The following CACNB2 variants were observed in gnomAD, a reference collection of about 807,000 sequenced individuals.
CACNB2 encodes the protein calcium voltage-gated channel auxiliary subunit beta 2, also known as voltage-dependent L-type calcium channel subunit beta-2.
Under a neutral mutation model 73.3 loss-of-function variants are expected in CACNB2, and 42 were observed. That is an observed-to-expected ratio of 0.57 (90% CI 0.45 to 0.74). CACNB2 has a LOEUF of 0.74. Among genes scored for constraint, CACNB2 ranks in the 30% least tolerant of loss-of-function variants. The pLI is 0.00. For missense variants in CACNB2, 940 were observed against 853.0 expected (o/e 1.10, Z -1.27); for synonymous variants, 348 against 310.3 (o/e 1.12, Z -1.28).
At chr10:18,296,848 G>A (rs746594830) in intron 2 of CACNB2, among the ~76,000 whole-genome samples, 5 of 152,248 alleles carry the variant, frequency 3.3e-5, no homozygotes, top group African/African-American at 4.8e-5. Flanking sequence ...AAGTATGTGC[G>A]GTAGAGGCAG....
chr10:18,471,552 G>A (rs1226007954), intron 3 of CACNB2, among the ~76,000 whole-genome samples: 1 of 152,072 alleles, frequency 6.6e-6, no homozygotes, highest in Non-Finnish European at 1.5e-5. Context: ...CATGGTTTAC[G>A]CCTTTGTATT....
chr10:18,410,978 TA>T (rs917012382), intron 3 of CACNB2, among the ~76,000 whole-genome samples: 1 of 151,662 alleles, frequency 6.6e-6, no homozygotes, highest in Non-Finnish European at 1.5e-5. Flanking sequence ...AGACTCCATT[TA>T]AAAAAAATAA....
At chr10:18,515,427 C>T (rs1374653626) in intron 7 of CACNB2, among the ~76,000 whole-genome samples, 1 of 152,222 alleles carries the variant, frequency 6.6e-6, no homozygotes, top group Non-Finnish European at 1.5e-5. Context: ...GATATATTCT[C>T]ACACGCAGAT....
intron 2 of CACNB2, among the ~76,000 whole-genome samples, chr10:18,303,269 A>C (rs2039597154): frequency 6.6e-6 from 1 of 152,200 alleles, no homozygotes; most frequent in Admixed American, 6.5e-5. Flanking sequence ...TCGGGAGGCC[A>C]AGGTGCGAGG....
intron 2 of CACNB2, among the ~76,000 whole-genome samples, chr10:18,230,801 A>C (rs752858819): frequency 2.0e-5 from 3 of 151,620 alleles, no homozygotes; most frequent in Admixed American, 2.0e-4. Flanking sequence ...CAAGTCCCAC[A>C]TGAGGTGAAA....
Position 18,399,999 on chromosome 10 carries a change from T to C in CACNB2, c.214-1925T>C, listed in dbSNP as rs1385416722. ...AAGCTTTGAAATTTCCTTGTAAGTATGGTTATAACAATTCACACTGCTGTT... is the reference window on the plus strand; with the variant it reads ...AAGCTTTGAAATTTCCTTGTAAGTACGGTTATAACAATTCACACTGCTGTT... On this transcript the variant is annotated intron_variant, in intron 2 of 13. Transcript: ENST00000324631. 3.3e-5 allele frequency among the ~76,000 whole-genome samples: 5 copies of C among 152,252 alleles called. No homozygotes were observed. In the South Asian group the frequency reaches 6.2e-4, roughly 19 times the overall value.
chr10:18,348,769 C>A, intron 2 of CACNB2, among the ~76,000 whole-genome samples: 1 of 152,180 alleles, frequency 6.6e-6, no homozygotes. Flanking sequence ...TCTCAAAATG[C>A]TGAGATTACA....
intron 2 of CACNB2, among the ~76,000 whole-genome samples, chr10:18,303,276 G>A (rs554071084): frequency 3.9e-5 from 6 of 152,300 alleles, no homozygotes; most frequent in South Asian, 2.1e-4. Flanking sequence ...GCCAAGGTGC[G>A]AGGATCACTT....
intron 2 of CACNB2, among the ~76,000 whole-genome samples, chr10:18,230,620 A>G (rs2036188758): frequency 6.6e-6 from 1 of 152,232 alleles, no homozygotes; most frequent in Non-Finnish European, 1.5e-5. Context: ...CTCTTGGAAA[A>G]ATCTATAAAT....
intron 2 of CACNB2, among the ~76,000 whole-genome samples, chr10:18,224,128 T>C (rs2035896126): frequency 6.6e-6 from 1 of 152,122 alleles, no homozygotes; most frequent in Non-Finnish European, 1.5e-5. Context: ...AAAATATTAC[T>C]CTTTTGCAAT....
intron 3 of CACNB2, among the ~76,000 whole-genome samples, chr10:18,439,285 A>G (rs2132921931): frequency 6.6e-6 from 1 of 152,326 alleles, no homozygotes; most frequent in African/African-American, 2.4e-5. Context: ...TTATTTTAGT[A>G]AGGTGTGTTT....
At chr10:18,312,848 C>T (rs189684952) in intron 2 of CACNB2, among the ~76,000 whole-genome samples, 3 of 152,128 alleles carry the variant, frequency 2.0e-5, no homozygotes, top group Non-Finnish European at 2.9e-5. Flanking sequence ...AGTTTTAGTG[C>T]GTTCTCCTGA....
intron 3 of CACNB2, among the ~76,000 whole-genome samples, chr10:18,430,609 A>T (rs552054274): frequency 6.6e-6 from 1 of 152,276 alleles, no homozygotes; most frequent in East Asian, 1.9e-4. Context: ...CAGCCTGGGC[A>T]ACAGAGTGAG....
intron 3 of CACNB2, among the ~76,000 whole-genome samples, chr10:18,435,912 C>A (rs2046113668): frequency 6.6e-6 from 1 of 150,722 alleles, no homozygotes; most frequent in Non-Finnish European, 1.5e-5. Context: ...CAGAGCTCAA[C>A]CAATTCTGAT....
chr10:18,192,240 A>G (rs1448843287), intron 2 of CACNB2, among the ~76,000 whole-genome samples: 1 of 152,022 alleles, frequency 6.6e-6, no homozygotes, highest in East Asian at 1.9e-4. Context: ...TGTCTGTACC[A>G]GGCAGGCCTG....
intron 3 of CACNB2, among the ~76,000 whole-genome samples, chr10:18,466,364 T>C (rs2132714741): frequency 6.6e-6 from 1 of 152,240 alleles, no homozygotes; most frequent in Admixed American, 6.5e-5. Flanking sequence ...GCCTTCTGCA[T>C]AGCTGGGACT....
chr10:18,380,858 A>G (rs1000519524), intron 2 of CACNB2, among the ~76,000 whole-genome samples: 1 of 152,128 alleles, frequency 6.6e-6, no homozygotes, highest in African/African-American at 2.4e-5. Flanking sequence ...GATAAATAAC[A>G]TCCCAACTGG....
intron 3 of CACNB2, among the ~76,000 whole-genome samples, chr10:18,425,183 T>C (rs2045531433): frequency 6.6e-6 from 1 of 152,254 alleles, no homozygotes; most frequent in Non-Finnish European, 1.5e-5. Context: ...TATTAAATTG[T>C]ATTTTTCTAT....
intron 2 of CACNB2, among the ~76,000 whole-genome samples, chr10:18,258,541 C>T (rs772037093): frequency 2.0e-5 from 3 of 151,944 alleles, no homozygotes; most frequent in African/African-American, 4.8e-5. Flanking sequence ...GACTTCCTAC[C>T]GTGGTGAAAC....
Sources: gnomAD v4.1 joint callset for allele counts (sites outside exome capture counted in the v4.1 genomes callset) on GRCh38, gnomAD v4.1.1 for gene constraint, MANE v1.5 for transcripts, NCBI Gene and HGNC (gene_info 2026-07-23, HGNC 2026-07-21) for gene names.